PALM: variants seen among roughly 807,000 people sequenced by gnomAD.
The protein encoded by PALM is paralemmin-1.
PALM carries 18 observed loss-of-function variants against 30.7 expected under a neutral mutation model. That is an observed-to-expected ratio of 0.59 (90% CI 0.41 to 0.87). The LOEUF is 0.87. Among genes scored for constraint, PALM ranks in the 40% least tolerant of loss-of-function variants. The pLI is 0.00. For synonymous variants in PALM, 286 were observed against 242.8 expected (o/e 1.18, Z -1.66); for missense variants, 529 against 555.4 (o/e 0.95, Z 0.48).
intron 6 of PALM, 166 bp downstream of exon 6, chr19:734,360 G>C (rs1202688761): frequency 1.6e-6 from 1 of 620,834 alleles, no homozygotes; most frequent in African/African-American, 1.9e-5. Flanking sequence ...AGGAGTTCGA[G>C]ACCAGCCTGA....
intron 8 of PALM, among the ~76,000 whole-genome samples, chr19:741,517 GACGGGGTGAGGGGAGA>G (rs1371612717): frequency 2.7e-4 from 1 of 3,684 alleles, no homozygotes; most frequent in African/African-American, 5.4e-4. Flanking sequence ...GGTGAGGGGA[GACGGGGTGAGGGGAGA>G]CGGGCTGCAG....
intron 7 of PALM, among the ~76,000 whole-genome samples, chr19:738,395 A>G (rs993866618): frequency 5.3e-5 from 8 of 152,062 alleles, no homozygotes; most frequent in Non-Finnish European, 7.4e-5. Context: ...GCATGGTGGC[A>G]GGTGCCTGTA....
intron 7 of PALM, among the ~76,000 whole-genome samples, chr19:736,612 T>TCGAGAAATTCAAG (rs2033032277): frequency 1.3e-5 from 2 of 152,144 alleles, no homozygotes; most frequent in Non-Finnish European, 2.9e-5. Flanking sequence ...ACCCCTGGTC[T>TCGAGAAATTCAAG]GCCGCCTTGA....
intron 1 of PALM, chr19:719,136 C>G (rs2032368794): frequency 1.0e-6 from 1 of 985,394 alleles, no homozygotes; most frequent in East Asian, 1.1e-4. Flanking sequence ...CAGGGACCCC[C>G]TCGTTCTGGC....
At chr19:734,433 C>T (rs1476659085) in intron 6 of PALM, 11 of 544,756 alleles carry the variant, frequency 2.0e-5, no homozygotes, top group Non-Finnish European at 3.3e-5. Context: ...GGTGTGGTGG[C>T]TCATGCCTGT....
intron 1 of PALM, among the ~76,000 whole-genome samples, chr19:719,846 A>T (rs2032399382): frequency 6.6e-6 from 1 of 151,402 alleles, no homozygotes; most frequent in Admixed American, 6.6e-5. Flanking sequence ...AATGGGGCTG[A>T]CCCGGCCGCA....
At chr19:733,310 GGGAGACTCA>G (rs2032927046) in intron 5 of PALM, among the ~76,000 whole-genome samples, 1 of 152,176 alleles carries the variant, frequency 6.6e-6, no homozygotes, top group African/African-American at 2.4e-5. Context: ...GTGCTGTCAT[GGGAGACTCA>G]GCAATACACA....
At chr19:725,254 C>T (rs1350738370) in intron 1 of PALM, among the ~76,000 whole-genome samples, 1 of 151,636 alleles carries the variant, frequency 6.6e-6, no homozygotes, top group South Asian at 2.1e-4. Flanking sequence ...ACTGGGTGGG[C>T]TGTTTTCAAA....
intron 4 of PALM, 169 bp downstream of exon 4, chr19:727,863 A>G: frequency 3.1e-6 from 2 of 649,454 alleles, no homozygotes; most frequent in South Asian, 2.0e-5. Context: ...GGGACAGATC[A>G]GGTTGGGGCA....
intron 1 of PALM, among the ~76,000 whole-genome samples, chr19:710,239 G>T (rs968142832): frequency 3.3e-5 from 5 of 152,192 alleles, no homozygotes; most frequent in Admixed American, 1.3e-4. Context: ...GACCCGCCAC[G>T]CCCGCGGCTG....
Position 726,992 on chromosome 19 carries a change from CCGG to C in PALM, c.58-14_58-12del. On this transcript the variant is annotated splice_polypyrimidine_tract_variant and intron_variant, in intron 2 of 8. Transcript: ENST00000338448. ...CCCCCACGCCCATCCCTGACCCCAC[CCGG>C]CCCTCCCCACAGGAGAAGCGGAAGC... The C allele has an allele frequency of 6.1e-6, 8 of 1,309,488 alleles. No individual in the cohort carries two copies. Among genetic ancestry groups the C allele is most frequent in the Non-Finnish European group, 8.5e-6 (8 of 937,898 alleles). 81.1% of individuals were successfully genotyped at this position (1,309,488 alleles called of 1,614,324 possible).
chr19:710,651 G>GCCCCCCCCCCCCCCCCCCCCCCCC (rs763250940), intron 1 of PALM, among the ~76,000 whole-genome samples: 11 of 114,162 alleles, frequency 9.6e-5, no homozygotes, highest in Admixed American at 2.7e-4. Context: ...AGGAGCTGCT[G>GCCCCCCCCCCCCCCCCCCCCCCCC]CCCCCCCCCC....
rs544104828 is a variant in PALM at position 709,914 on chromosome 19, G to C, written c.5+763G>C. On this transcript the variant is annotated intron_variant, in intron 1 of 8. Transcript: ENST00000338448. The surrounding 1 kb of genome is among the most constrained non-coding windows in gnomAD (Gnocchi z 4.3). ...CGCATGGCTGCGCCTGTGTGTGTGGGGGGGGGGTGGCCAGTGGAGGCACCG... is the reference window on the plus strand; with the variant it reads ...CGCATGGCTGCGCCTGTGTGTGTGGCGGGGGGGTGGCCAGTGGAGGCACCG... Among the ~76,000 whole-genome samples, 8 of 151,936 alleles carry C rather than the reference G, an allele frequency of 5.3e-5. No homozygotes were observed. In the South Asian group the frequency reaches 6.2e-4, roughly 12 times the overall value.
In PALM at chr19:747,133, T is replaced by C. The variant is rs2033374147; in HGVS notation, c.*319T>C. ...ACGCGGCTCGCGCCCACCGGGGTCC[T>C]GGCGGGTGGGACCCGCAGCCTCCAC... On this transcript the variant is annotated 3_prime_UTR_variant, in exon 9 of 9. Transcript: ENST00000338448. 17 of 297,926 alleles carry C rather than the reference T, an allele frequency of 5.7e-5. No homozygotes were observed. In the South Asian group the frequency reaches 7.3e-4, roughly 13 times the overall value. The allele number at this position is 297,926 out of a possible 1,614,324, so 18.5% of individuals were successfully genotyped here.
At chr19:720,985 G>A (rs1032463958) in intron 1 of PALM, among the ~76,000 whole-genome samples, 2 of 152,200 alleles carry the variant, frequency 1.3e-5, no homozygotes, top group Admixed American at 6.5e-5. Flanking sequence ...CAGGACTGTG[G>A]GGTGGCCCGG....
chr19:710,054 C>T (rs956376143), intron 1 of PALM, among the ~76,000 whole-genome samples: 6 of 152,172 alleles, frequency 3.9e-5, no homozygotes, highest in African/African-American at 7.2e-5. Context: ...GGAGGCTCCT[C>T]CTGGGGTCAC....
intron 6 of PALM, chr19:735,197 AGGTGCCTGTGTCCTGGTGTCTGGGT>A: frequency 1.1e-5 from 1 of 93,748 alleles, no homozygotes; most frequent in Admixed American, 1.5e-4. Context: ...CTGGGGGCCC[AGGTGCCTGTGTCCTGGTGTCTGGGT>A]GGGGTCTGTG....
At chr19:740,020 GA>G (rs1373210335) in intron 7 of PALM, among the ~76,000 whole-genome samples, 1 of 152,214 alleles carries the variant, frequency 6.6e-6, no homozygotes, top group Non-Finnish European at 1.5e-5. Context: ...GGCTGGGCTG[GA>G]ACCTGAGCTT....
In PALM at chr19:726,153, G is replaced by A; in HGVS notation, c.21G>A (p.Glu7=). Residue 7 remains glutamate (E), a synonymous_variant, in exon 2 of 9, where the codon GAG becomes GAA. Transcript: ENST00000338448. The part of the protein sequence containing the change: MEVLAA[E]TTSQQERLQA... ...CCTCCCGCAGGGTCCTGGCGGCAGAGACCACGTCCCAGCAGGAGCGGCTGC... is the reference window on the plus strand; with the variant it reads ...CCTCCCGCAGGGTCCTGGCGGCAGAAACCACGTCCCAGCAGGAGCGGCTGC... 2 of 1,613,386 alleles carry A rather than the reference G, an allele frequency of 1.2e-6. No homozygotes were observed. Among genetic ancestry groups the A allele is most frequent in the Non-Finnish European group, 1.7e-6 (2 of 1,179,800 alleles).
Sources: allele counts gnomAD v4.1 joint callset (sites outside exome capture counted in the v4.1 genomes callset), GRCh38; gene constraint gnomAD v4.1.1; non-coding constraint Gnocchi (gnomAD v3.1); transcripts MANE v1.5; gene names NCBI Gene and HGNC (gene_info 2026-07-23, HGNC 2026-07-21).